The following TMEM200A variants were observed in gnomAD, a reference collection of about 807,000 sequenced individuals.
TMEM200A encodes transmembrane protein 200A.
A neutral mutation model predicts 24.3 loss-of-function variants in TMEM200A; 12 were observed. The ratio of observed to expected loss-of-function variants is 0.49; its 90% confidence interval spans 0.32 to 0.80. The LOEUF is 0.80. Ranked by LOEUF, TMEM200A falls within the 30% of genes least tolerant of loss-of-function variation. The pLI, the probability that TMEM200A is intolerant of heterozygous loss-of-function variation, is 0.04. For synonymous variants in TMEM200A, 224 were observed against 224.4 expected (o/e 1.00, Z 0.02); for missense variants, 545 against 614.4 (o/e 0.89, Z 1.19).
At chr6:130,419,506 A>C (rs1164464528) in intron 2 of TMEM200A, among the ~76,000 whole-genome samples, 1 of 152,174 alleles carries the variant, frequency 6.6e-6, no homozygotes, top group Non-Finnish European at 1.5e-5. Flanking sequence ...ACTGTTTCGC[A>C]TAGTGGATGT....
At chr6:130,440,376 T>C in intron 2 of TMEM200A, 31 bp from the exon 3 acceptor site, 1 of 1,500,634 alleles carries the variant, frequency 6.7e-7, no homozygotes, top group South Asian at 1.4e-5. Flanking sequence ...CATATTTACA[T>C]CATCTTTTTC....
intron 2 of TMEM200A, among the ~76,000 whole-genome samples, chr6:130,432,241 T>A (rs537834500): frequency 2.0e-5 from 3 of 152,332 alleles, no homozygotes; most frequent in Admixed American, 1.3e-4. Context: ...TTGATCAGAT[T>A]ACTCATTCAT....
intron 2 of TMEM200A, among the ~76,000 whole-genome samples, chr6:130,420,757 C>T (rs1056434545): frequency 2.0e-5 from 3 of 152,102 alleles, no homozygotes; most frequent in Admixed American, 6.6e-5. Flanking sequence ...CAACAAAAAA[C>T]GTTGTCCCAT....
chr6:130,428,600 A>C (rs765769936), intron 2 of TMEM200A, among the ~76,000 whole-genome samples: 1 of 152,186 alleles, frequency 6.6e-6, no homozygotes, highest in Non-Finnish European at 1.5e-5. Context: ...TTGATACTTC[A>C]GTGGTGAAAC....
At chr6:130,431,715 T>A (rs1186948569) in intron 2 of TMEM200A, among the ~76,000 whole-genome samples, 1 of 152,134 alleles carries the variant, frequency 6.6e-6, no homozygotes, top group Non-Finnish European at 1.5e-5. Context: ...GCTTTTAGTC[T>A]TTGGAGAGCA....
chr6:130,410,934 T>C (rs1779315569), intron 2 of TMEM200A, among the ~76,000 whole-genome samples: 1 of 152,158 alleles, frequency 6.6e-6, no homozygotes. Context: ...TTTGGGATGC[T>C]GAGGCAAGTG....
chr6:130,441,137 T>A lies in TMEM200A; in HGVS notation c.715T>A (p.Ser239Thr), dbSNP rs750450840. Residue 239 changes from serine (S) to threonine (T), a missense_variant, in exon 3 of 3, where the codon TCT becomes ACT. Ser to Thr is a moderately conservative substitution (Grantham distance 58). Transcript: ENST00000296978. ...DELMLNEGKS[S>T]GHLMPPLLSD... ...ACTTATGTTAAATGAAGGTAAGAGT[T>A]CTGGGCATCTTATGCCCCCTTTGCT... 5.6e-6 allele frequency: 9 copies of A among 1,613,948 alleles called. No homozygotes were observed. The Admixed American group carries it at 1.3e-4, about 24-fold the overall frequency.
At chr6:130,401,886 C>T (rs574687726) in intron 2 of TMEM200A, among the ~76,000 whole-genome samples, 1 of 151,384 alleles carries the variant, frequency 6.6e-6, no homozygotes, top group Admixed American at 6.6e-5. Flanking sequence ...TTGTAAATTG[C>T]CTGTTTATGT....
chr6:130,399,251 T>C (rs1470096156), intron 2 of TMEM200A, among the ~76,000 whole-genome samples: 1 of 152,082 alleles, frequency 6.6e-6, no homozygotes, highest in Non-Finnish European at 1.5e-5. Flanking sequence ...TGTAAGTAAG[T>C]ATGCATTTAA....
intron 2 of TMEM200A, among the ~76,000 whole-genome samples, chr6:130,413,112 A>ATATC (rs1562563987): frequency 6.6e-6 from 1 of 152,200 alleles, no homozygotes; most frequent in Non-Finnish European, 1.5e-5. Flanking sequence ...ACCTTGCATC[A>ATATC]TATCTGTGGT....
At chr6:130,387,945 T>G in intron 2 of TMEM200A, among the ~76,000 whole-genome samples, 1 of 152,180 alleles carries the variant, frequency 6.6e-6, no homozygotes, top group Non-Finnish European at 1.5e-5. Flanking sequence ...TATTCCTAAG[T>G]CTTAGAGAAT....
At chr6:130,386,328 T>C (rs533694452) in intron 2 of TMEM200A, among the ~76,000 whole-genome samples, 1 of 152,340 alleles carries the variant, frequency 6.6e-6, no homozygotes, top group East Asian at 1.9e-4. Flanking sequence ...GGGTAGCCAC[T>C]GAGTTTGCTT....
intron 2 of TMEM200A, among the ~76,000 whole-genome samples, chr6:130,408,448 T>C (rs769295080): frequency 3.9e-5 from 6 of 152,200 alleles, no homozygotes; most frequent in Non-Finnish European, 5.9e-5. Flanking sequence ...AATCTCTGGA[T>C]GGCCCCAGAG....
chr6:130,368,604 T>C (rs1259481081), intron 1 of TMEM200A, among the ~76,000 whole-genome samples: 3 of 152,208 alleles, frequency 2.0e-5, no homozygotes, highest in African/African-American at 4.8e-5. Context: ...AGATCTGATA[T>C]GTGCTCAAAC....
chr6:130,397,653 G>A (rs1307900844), intron 2 of TMEM200A, among the ~76,000 whole-genome samples: 1 of 151,240 alleles, frequency 6.6e-6, no homozygotes, highest in Non-Finnish European at 1.5e-5. Flanking sequence ...AAAATTTCTG[G>A]CTTTTATCTG....
chr6:130,368,856 G>T (rs1260158493), intron 1 of TMEM200A, among the ~76,000 whole-genome samples: 2 of 152,206 alleles, frequency 1.3e-5, no homozygotes, highest in South Asian at 2.1e-4. Context: ...GTGGCTGTGG[G>T]TAAGTGGCTA....
chr6:130,382,495 G>C (rs1227317416), intron 1 of TMEM200A, among the ~76,000 whole-genome samples: 6 of 152,178 alleles, frequency 3.9e-5, no homozygotes, highest in African/African-American at 1.2e-4. Context: ...TTTCTCAGGA[G>C]AGTTGGTTGC....
chr6:130,395,109 C>T (rs897847533), intron 2 of TMEM200A, among the ~76,000 whole-genome samples: 1 of 152,198 alleles, frequency 6.6e-6, no homozygotes, highest in Non-Finnish European at 1.5e-5. Context: ...TAGGTCTACT[C>T]AATACCTATC....
intron 2 of TMEM200A, among the ~76,000 whole-genome samples, chr6:130,411,109 C>CAGTGAGCCGAGATTGT (rs1779319669): frequency 1.3e-5 from 2 of 151,358 alleles, no homozygotes; most frequent in Non-Finnish European, 2.9e-5. Context: ...GCAGAGGTTG[C>CAGTGAGCCGAGATTGT]AGTGAGCCGA....
Sources: allele counts gnomAD v4.1 joint callset (sites outside exome capture counted in the v4.1 genomes callset), GRCh38; gene constraint gnomAD v4.1.1; transcripts MANE v1.5; gene names NCBI Gene and HGNC (gene_info 2026-07-23, HGNC 2026-07-21).